MYO1D: variants seen among roughly 807,000 people sequenced by gnomAD.
MYO1D encodes the protein unconventional myosin-Id.
In MYO1D, 83 loss-of-function variants were observed where a neutral mutation model predicts 122.0. The ratio of observed to expected loss-of-function variants is 0.68; its 90% CI spans 0.57 to 0.82. The LOEUF (loss-of-function observed/expected upper bound fraction) is 0.82, where lower values mean the gene tolerates loss of function less well. MYO1D is among the 40% of genes least tolerant of loss of function. MYO1D has a pLI of 0.00. For missense variants in MYO1D, 1,157 were observed against 1,269.5 expected, an observed-to-expected ratio of 0.91 and a Z score of 1.35; for synonymous variants, 464 against 446.9, an observed-to-expected ratio of 1.04 and a Z score of -0.48.
At chr17:32,535,464 G>C (rs1245297953) in intron 21 of MYO1D, among the ~76,000 whole-genome samples, 1 of 152,158 alleles carries the variant, frequency 6.6e-6, no homozygotes, top group African/African-American at 2.4e-5. Context: ...CATTGTACTT[G>C]TGGCCGGGCG....
chr17:32,769,016 T>C (rs2151021734), intron 6 of MYO1D, among the ~76,000 whole-genome samples: 1 of 152,368 alleles, frequency 6.6e-6, no homozygotes, highest in Non-Finnish European at 1.5e-5. Context: ...CCTTTGTGAC[T>C]GGCATCTACC....
chr17:32,829,869 A>C (rs950594896), intron 1 of MYO1D, among the ~76,000 whole-genome samples: 2 of 152,200 alleles, frequency 1.3e-5, no homozygotes, highest in Non-Finnish European at 2.9e-5. Flanking sequence ...ACCTATCATA[A>C]ATCGGTCTCT....
intron 12 of MYO1D, among the ~76,000 whole-genome samples, chr17:32,746,811 C>T (rs539456629): frequency 1.3e-5 from 2 of 152,256 alleles, no homozygotes; most frequent in South Asian, 2.1e-4. Context: ...GACTAAGAGT[C>T]TAGAAACCTA....
intron 13 of MYO1D, among the ~76,000 whole-genome samples, chr17:32,741,222 T>C (rs1424411096): frequency 7.1e-6 from 1 of 140,194 alleles, no homozygotes; most frequent in Non-Finnish European, 1.5e-5. Flanking sequence ...GGATACCACT[T>C]CTAAAAAAAA....
At chr17:32,826,716 A>ACCT (rs1226486762) in intron 1 of MYO1D, among the ~76,000 whole-genome samples, 2 of 152,216 alleles carry the variant, frequency 1.3e-5, no homozygotes, top group Non-Finnish European at 2.9e-5. Flanking sequence ...ACAAACTAGT[A>ACCT]CTAATAGCAA....
At chr17:32,604,311 T>C (rs2087599976) in intron 21 of MYO1D, among the ~76,000 whole-genome samples, 1 of 152,164 alleles carries the variant, frequency 6.6e-6, no homozygotes, top group Non-Finnish European at 1.5e-5. Context: ...TGATGAGTGG[T>C]CTTCTCCCAG....
At chr17:32,832,335 C>G (rs904972974) in intron 1 of MYO1D, among the ~76,000 whole-genome samples, 2 of 150,190 alleles carry the variant, frequency 1.3e-5, no homozygotes, top group Non-Finnish European at 3.0e-5. Context: ...GAGTCACGCT[C>G]TGTCACCCAG....
chr17:32,609,746 T>G (rs1479458039), intron 20 of MYO1D, among the ~76,000 whole-genome samples: 1 of 152,158 alleles, frequency 6.6e-6, no homozygotes, highest in Non-Finnish European at 1.5e-5. Context: ...GGGTTGATTT[T>G]AAAGAATGCC....
At chr17:32,646,481 T>C (rs1247769714) in intron 19 of MYO1D, among the ~76,000 whole-genome samples, 3 of 151,818 alleles carry the variant, frequency 2.0e-5, no homozygotes, top group Non-Finnish European at 4.4e-5. Context: ...AAGGAAACAA[T>C]AATAAGTAAA....
intron 1 of MYO1D, among the ~76,000 whole-genome samples, chr17:32,836,802 A>G (rs1427974037): frequency 5.9e-5 from 9 of 152,126 alleles, no homozygotes; most frequent in Non-Finnish European, 1.0e-4. Flanking sequence ...CTGTTTATGA[A>G]CATTTGGATT....
chr17:32,763,058 C>T (rs556922555), intron 8 of MYO1D, among the ~76,000 whole-genome samples: 29 of 148,730 alleles, frequency 1.9e-4, no homozygotes, highest in African/African-American at 5.4e-4. Flanking sequence ...TGGTGGCGGT[C>T]GCCTGTAGTT....
intron 16 of MYO1D, among the ~76,000 whole-genome samples, chr17:32,691,568 G>A (rs966359832): frequency 5.3e-5 from 8 of 151,726 alleles, no homozygotes; most frequent in African/African-American, 1.7e-4. Context: ...CCCTATGCCC[G>A]GTTAATTTTT....
At chr17:32,499,549 G>A (rs1333539949) in intron 21 of MYO1D, among the ~76,000 whole-genome samples, 5 of 151,950 alleles carry the variant, frequency 3.3e-5, no homozygotes, top group South Asian at 2.1e-4. Context: ...CAGGAGAATC[G>A]CTTGAACCTG....
At chr17:32,779,459 A>T (rs1319538291) in intron 2 of MYO1D, among the ~76,000 whole-genome samples, 1 of 150,878 alleles carries the variant, frequency 6.6e-6, no homozygotes, top group African/African-American at 2.4e-5. Flanking sequence ...AATTAGTTAT[A>T]TAACAGACAT....
intron 19 of MYO1D, among the ~76,000 whole-genome samples, chr17:32,642,931 G>C (rs2088225691): frequency 6.6e-6 from 1 of 152,144 alleles, no homozygotes; most frequent in Admixed American, 6.5e-5. Flanking sequence ...TCTCCTGCCT[G>C]ATTGCCCTGG....
chr17:32,524,275 C>T (rs1910260700), intron 21 of MYO1D, among the ~76,000 whole-genome samples: 1 of 152,226 alleles, frequency 6.6e-6, no homozygotes, highest in Non-Finnish European at 1.5e-5. Context: ...GACGTCAACT[C>T]ACTCTTCCCT....
intron 20 of MYO1D, among the ~76,000 whole-genome samples, chr17:32,631,969 C>T (rs1309919435): frequency 6.6e-6 from 1 of 152,190 alleles, no homozygotes; most frequent in Non-Finnish European, 1.5e-5. Flanking sequence ...TAGCAGTGAA[C>T]TCTGAGGGAA....
chr17:32,840,187 C>A (rs1282888178), intron 1 of MYO1D, among the ~76,000 whole-genome samples: 1 of 152,110 alleles, frequency 6.6e-6, no homozygotes, highest in Non-Finnish European at 1.5e-5. Flanking sequence ...ATAATTACAA[C>A]AAAAAGCCCA....
At position 32,711,173 on chromosome 17, in the gene MYO1D, A is replaced by G. The variant is rs9900071; in HGVS notation, c.2121+815T>C. On this transcript the variant is annotated intron_variant, in intron 16 of 21. Transcript: ENST00000318217. ...GAAAGGGTATGGGGGATACAAAGAA[A>G]TACATGAATTAGTGAATGAAATGAG... is the stretch of plus-strand genomic sequence containing the variant. 4.9e-3 allele frequency among the ~76,000 whole-genome samples: 742 copies of G among 152,322 alleles called. 6 individuals carry two copies. Among genetic ancestry groups the G allele is most frequent in the African/African-American group, 0.016 (683 of 41,578 alleles).
Sources: allele counts gnomAD v4.1 joint callset (sites outside exome capture counted in the v4.1 genomes callset), GRCh38; gene constraint gnomAD v4.1.1; transcripts MANE v1.5; gene names NCBI Gene and HGNC (gene_info 2026-07-23, HGNC 2026-07-21).